PKDCC: variants seen among roughly 807,000 people sequenced by gnomAD.
The protein encoded by PKDCC is protein kinase domain containing, cytoplasmic.
Under a neutral mutation model 44.7 loss-of-function variants are expected in PKDCC, and 35 were observed. The ratio of observed to expected loss-of-function variants is 0.78; its 90% CI spans 0.60 to 1.04. The LOEUF (loss-of-function observed/expected upper bound fraction) is 1.04. Among genes scored for constraint, PKDCC ranks in the 50% least tolerant of loss-of-function variants. The pLI, the probability that PKDCC is intolerant of heterozygous loss-of-function variation, is 0.00. For synonymous variants in PKDCC, 353 were observed against 303.3 expected (o/e 1.16, Z -1.70); for missense variants, 738 against 672.7 (o/e 1.10, Z -1.07).
Position 42,057,531 on chromosome 2 carries a change from A to C in PKDCC, c.1397-72A>C, listed in dbSNP as rs979825669. On this transcript the variant is annotated intron_variant, in intron 6 of 6. Transcript: ENST00000294964. ...GGTATACGTGTCTTCAAGGCAGTCA[A>C]ATTAGGGAGAATGGTCTTGCCTCCA... is the stretch of plus-strand genomic sequence containing the variant. 4 of 1,570,722 alleles carry C rather than the reference A, an allele frequency of 2.5e-6. No homozygotes were observed. The African/African-American group carries it at 4.1e-5, about 16-fold the overall frequency.
chr2:42,048,427 G>T lies in PKDCC; in HGVS notation c.228G>T (p.Gly76=), dbSNP rs1228887722. The part of the protein sequence containing the change: ...EVQRYSRGGP[G]PGAGRPERRR... ...AGCGCTATTCCCGCGGGGGCCCCGG[G>T]CCCGGGGCGGGCCGGCCGGAGCGGC... is the stretch of plus-strand genomic sequence containing the variant. The change falls in exon 1 of 7, where the codon GGG becomes GGT. Residue 76 remains glycine, a synonymous_variant. Coordinates refer to ENST00000294964, the MANE Select transcript of PKDCC (RefSeq NM_138370.3). The surrounding 1 kb of genome is among the most constrained non-coding windows in gnomAD (Gnocchi z 6.2). 1.8e-6 allele frequency: 2 copies of T among 1,127,430 alleles called. No individual in the cohort carries two copies. Among genetic ancestry groups the T allele is most frequent in the East Asian group, 9.5e-5 (2 of 20,996 alleles). The allele number at this position is 1,127,430 out of a possible 1,614,324, so 69.8% of individuals were successfully genotyped here.
rs1276096464 is a variant in PKDCC, at chr2:42,054,123, T to G, written c.850T>G (p.Phe284Val). 6.2e-7 allele frequency: 1 copy of G among 1,613,254 alleles called. No homozygotes were observed. Among genetic ancestry groups the G allele is most frequent in the Non-Finnish European group, 8.5e-7 (1 of 1,179,856 alleles). The stretch of plus-strand genomic sequence containing the variant: ...TCTGCTGGACTTCCGCCCTCGGCAG[T>G]TTGTGCTGGTGGATGGGGAGCTCAA... ...VTLLDFRPRQ[F>V]VLVDGELKVT... The change falls in exon 3 of 7, where the codon TTT becomes GTT. Residue 284 changes from phenylalanine (F) to valine (V), a missense_variant. Transcript: ENST00000294964. The surrounding 1 kb of genome is among the most constrained non-coding windows in gnomAD (Gnocchi z 6.1).
At position 42,055,952 on chromosome 2, in the gene PKDCC, C is replaced by T. The variant is rs2103931530; in HGVS notation, c.1222+559C>T. Among the ~76,000 whole-genome samples the T allele has an allele frequency of 6.6e-6, 1 of 152,314 alleles. No individual in the cohort carries two copies. Among genetic ancestry groups the T allele is most frequent in the Middle Eastern group, 3.4e-3 (1 of 294 alleles). ...GGGGGAGAATTCTGGCCACTGGTTT[C>T]AGGCTGTGGTCCTTCTGCTGAAGCC... is the stretch of plus-strand genomic sequence containing the variant. On this transcript the variant is annotated intron_variant, in intron 5 of 6. Coordinates refer to ENST00000294964, the MANE Select transcript of PKDCC (RefSeq NM_138370.3). This position sits in a 1 kb window ranked among gnomAD's most constrained non-coding sequence, Gnocchi z 4.5.
rs1667893352 is a variant in PKDCC at position 42,048,130 on chromosome 2, C to T, written c.-70C>T. ...GGCGGGGCGCAGAGCGGAGCCGCCT[C>T]GGAGCCTGAGCCGCCCGGGGCCGGG... On this transcript the variant is annotated 5_prime_UTR_variant, in exon 1 of 7. Transcript: ENST00000294964. The surrounding 1 kb of genome is among the most constrained non-coding windows in gnomAD (Gnocchi z 6.2). The T allele has an allele frequency of 1.1e-6, 1 of 879,264 alleles. No homozygotes were observed. The highest frequency in any genetic ancestry group is 1.3e-6 in the Non-Finnish European group (1 of 763,230). 54.5% of individuals were successfully genotyped at this position (879,264 alleles called of 1,614,324 possible). A position where few individuals can be genotyped will look rare whatever the true frequency, so the allele number is the denominator to read the frequency against.
Position 42,054,377 on chromosome 2 carries a change from G to A in PKDCC, c.1034+70G>A, listed in dbSNP as rs1668019469. ...GCCAGGAGGGCATGGCAGGAAGAGA[G>A]CCAACGTGGAGGCCAGCTGGGCAGG... On this transcript the variant is annotated intron_variant, in intron 3 of 6. Coordinates refer to ENST00000294964, the MANE Select transcript of PKDCC (RefSeq NM_138370.3). This position sits in a 1 kb window ranked among gnomAD's most constrained non-coding sequence, Gnocchi z 6.1. 1.3e-6 allele frequency: 2 copies of A among 1,512,308 alleles called. No homozygotes were observed. The highest frequency in any genetic ancestry group is 1.8e-6 in the Non-Finnish European group (2 of 1,123,836). The allele number at this position is 1,512,308 out of a possible 1,614,324, so 93.7% of individuals were successfully genotyped here. A position where few individuals can be genotyped will look rare whatever the true frequency, so the allele number is the denominator to read the frequency against.
chr2:42,052,251 G>T lies in PKDCC; in HGVS notation c.640-988G>T, dbSNP rs749765398. On this transcript the variant is annotated intron_variant, in intron 1 of 6. Coordinates refer to ENST00000294964, the MANE Select transcript of PKDCC (RefSeq NM_138370.3). The surrounding 1 kb of genome is among the most constrained non-coding windows in gnomAD (Gnocchi z 4.3). ...CACTCATATGCAAAACACACCTGGGGATGTGCCCTCAGGTACCTTGTTCTT... is the reference window on the plus strand; with the variant it reads ...CACTCATATGCAAAACACACCTGGGTATGTGCCCTCAGGTACCTTGTTCTT... Among the ~76,000 whole-genome samples, 1 of 152,114 alleles carries T rather than the reference G, an allele frequency of 6.6e-6. No homozygotes were observed. The highest frequency in any genetic ancestry group is 1.5e-5 in the Non-Finnish European group (1 of 68,016).
At chr2:42,050,572 G>T (rs1159239725) in intron 1 of PKDCC, among the ~76,000 whole-genome samples, 1 of 152,022 alleles carries the variant, frequency 6.6e-6, no homozygotes, top group African/African-American at 2.4e-5. Context: ...GAAATGTCAG[G>T]CCCCCAGCCC....
rs1667923049 is a variant in PKDCC at position 42,048,969 on chromosome 2, C to T, written c.639+131C>T. ...CCCAGGCTAAGCTAGACGCAGAAAC[C>T]GGACCATGGCCCTTCCCACTGCACC... On this transcript the variant is annotated intron_variant, in intron 1 of 6. Coordinates refer to ENST00000294964, the MANE Select transcript of PKDCC (RefSeq NM_138370.3). This position sits in a 1 kb window ranked among gnomAD's most constrained non-coding sequence, Gnocchi z 6.2. 4 of 1,297,236 alleles carry T rather than the reference C, an allele frequency of 3.1e-6. No homozygotes were observed. The highest frequency in any genetic ancestry group is 2.4e-5 in the South Asian group (1 of 41,368). The allele number at this position is 1,297,236 out of a possible 1,614,324, so 80.4% of individuals were successfully genotyped here. A position where few individuals can be genotyped will look rare whatever the true frequency, so the allele number is the denominator to read the frequency against.
chr2:42,054,105 G>T lies in PKDCC; in HGVS notation c.832G>T (p.Asp278Tyr), dbSNP rs1558432352. ...HSPLGSVTLL[D>Y]FRPRQFVLVD... ...CCCACTGGGCTCCGTCACTCTGCTG[G>T]ACTTCCGCCCTCGGCAGTTTGTGCT... Residue 278 changes from aspartate (D) to tyrosine (Y), a missense_variant, in exon 3 of 7, where the codon GAC becomes TAC. Coordinates refer to ENST00000294964, the MANE Select transcript of PKDCC (RefSeq NM_138370.3). This position sits in a 1 kb window ranked among gnomAD's most constrained non-coding sequence, Gnocchi z 6.1. The T allele has an allele frequency of 6.2e-7, 1 of 1,613,084 alleles. No individual in the cohort carries two copies.
intron 1 of PKDCC, among the ~76,000 whole-genome samples, chr2:42,050,550 C>T (rs956938305): frequency 6.6e-6 from 1 of 152,160 alleles, no homozygotes; most frequent in African/African-American, 2.4e-5. Flanking sequence ...TATCACGTGA[C>T]GGTCCTCCTC....
chr2:42,053,915 T>A, intron 2 of PKDCC, 121 bp from the exon 3 acceptor site: 2 of 1,272,606 alleles, frequency 1.6e-6, no homozygotes, highest in Middle Eastern at 2.8e-4. Flanking sequence ...CTGGGGCCTA[T>A]AGAAGAGAAG....
intron 5 of PKDCC, among the ~76,000 whole-genome samples, chr2:42,056,742 C>A (rs1668062666): frequency 6.8e-6 from 1 of 146,558 alleles, no homozygotes; most frequent in Non-Finnish European, 1.5e-5. Flanking sequence ...CTAGTCTAGG[C>A]AACAGAGTGA....
chr2:42,049,885 C>A (rs1667938216), intron 1 of PKDCC, among the ~76,000 whole-genome samples: 1 of 152,148 alleles, frequency 6.6e-6, no homozygotes, highest in Non-Finnish European at 1.5e-5. Context: ...GTGCAGCCTC[C>A]CCAACGGATG....
chr2:42,050,060 G>T (rs1187164050), intron 1 of PKDCC, among the ~76,000 whole-genome samples: 1 of 152,144 alleles, frequency 6.6e-6, no homozygotes, highest in Non-Finnish European at 1.5e-5. Context: ...GGAGAGACTG[G>T]CCCAAAAGTT....
At position 42,058,040 on chromosome 2, in the gene PKDCC, G is replaced by C. The variant is rs976105167; in HGVS notation, c.*352G>C. 3.7e-6 allele frequency: 1 copy of C among 272,352 alleles called. No homozygotes were observed. Among genetic ancestry groups the C allele is most frequent in the African/African-American group, 2.2e-5 (1 of 45,460 alleles). 16.9% of individuals were successfully genotyped at this position (272,352 alleles called of 1,614,324 possible). On this transcript the variant is annotated 3_prime_UTR_variant, in exon 7 of 7. Coordinates refer to ENST00000294964, the MANE Select transcript of PKDCC (RefSeq NM_138370.3). The surrounding 1 kb of genome is among the most constrained non-coding windows in gnomAD (Gnocchi z 4.2). ...CAGCCCCATCACTGTGTTCAATAGT[G>C]TGAGAATGTAGCTAAAGCCCCTGCT...
intron 1 of PKDCC, among the ~76,000 whole-genome samples, chr2:42,050,102 C>G (rs1289945313): frequency 6.6e-6 from 1 of 152,204 alleles, no homozygotes; most frequent in Non-Finnish European, 1.5e-5. Flanking sequence ...CAGTCTCCCC[C>G]TCCCCCATCG....
Position 42,048,645 on chromosome 2 carries a change from C to A in PKDCC, c.446C>A (p.Thr149Asn), listed in dbSNP as rs573873941. ...SGAQYMGSGY[T>N]KAVYRVRLPG... Reference sequence around the variant, plus strand: ...GCGCAGTACATGGGCTCAGGCTACACCAAGGCCGTGTACCGGGTCCGCCTG... The same window carrying A: ...GCGCAGTACATGGGCTCAGGCTACAACAAGGCCGTGTACCGGGTCCGCCTG... The change falls in exon 1 of 7, where the codon ACC becomes AAC. Residue 149 changes from threonine to asparagine, a missense_variant. Coordinates refer to ENST00000294964, the MANE Select transcript of PKDCC (RefSeq NM_138370.3). The surrounding 1 kb of genome is among the most constrained non-coding windows in gnomAD (Gnocchi z 6.2). The A allele has an allele frequency of 6.5e-7, 1 of 1,544,372 alleles. No homozygotes were observed. The highest frequency in any genetic ancestry group is 2.0e-5 in the Admixed American group (1 of 50,952).
chr2:42,053,211 C>T, intron 1 of PKDCC, 28 bp from the exon 2 acceptor site: 1 of 1,539,422 alleles, frequency 6.5e-7, no homozygotes, highest in Non-Finnish European at 8.8e-7. Context: ...ACCCTGTGAC[C>T]TAATGACCTG....
intron 2 of PKDCC, chr2:42,053,641 T>C: frequency 1.9e-6 from 1 of 530,706 alleles, no homozygotes. Flanking sequence ...ACTCACACAC[T>C]CACACTCAGC....
Sources: allele counts gnomAD v4.1 joint callset (sites outside exome capture counted in the v4.1 genomes callset), GRCh38; gene constraint gnomAD v4.1.1; non-coding constraint Gnocchi (gnomAD v3.1); transcripts MANE v1.5; gene names NCBI Gene and HGNC (gene_info 2026-07-23, HGNC 2026-07-21).